Variants in MPHOSPH9 observed in about 807,000 individuals in gnomAD.
MPHOSPH9 encodes the protein M-phase phosphoprotein 9.
MPHOSPH9 carries 88 observed loss-of-function variants against 145.5 expected under a neutral mutation model. That is an observed-to-expected ratio of 0.60 (90% CI 0.51 to 0.72). The LOEUF (loss-of-function observed/expected upper bound fraction) is 0.72. MPHOSPH9 is among the 30% of genes least tolerant of loss of function. The pLI is 0.00. For synonymous variants in MPHOSPH9, 435 were observed against 486.2 expected (o/e 0.89, Z 1.39); for missense variants, 1,238 against 1,386.6 (o/e 0.89, Z 1.70).
chr12:123,226,813 T>C (rs2047455380), intron 3 of MPHOSPH9, among the ~76,000 whole-genome samples: 1 of 152,106 alleles, frequency 6.6e-6, no homozygotes. Flanking sequence ...TATGTATTTA[T>C]ATTTGTAGAG....
chr12:123,198,866 A>AAAAGACATG (rs1037207552), intron 11 of MPHOSPH9, among the ~76,000 whole-genome samples: 1 of 151,618 alleles, frequency 6.6e-6, no homozygotes, highest in African/African-American at 2.4e-5. Flanking sequence ...AGATATAAAA[A>AAAAGACATG]AAAGACATGC....
chr12:123,233,414 G>A (rs963888339), upstream of MPHOSPH9: 4 of 152,424 alleles, frequency 2.6e-5, no homozygotes, highest in Admixed American at 2.0e-4. Context: ...GTAGATAAGA[G>A]AAACCGCGAT....
chr12:123,198,396 T>TA, intron 11 of MPHOSPH9, 62 bp from the exon 12 acceptor site: 1 of 1,290,536 alleles, frequency 7.7e-7, no homozygotes, highest in African/African-American at 1.5e-5. Context: ...AAGTATTACA[T>TA]AAATCTAACC....
chr12:123,192,657 A>C (rs12825277), intron 13 of MPHOSPH9, among the ~76,000 whole-genome samples: 3 of 119,596 alleles, frequency 2.5e-5, no homozygotes, highest in East Asian at 5.5e-4. Flanking sequence ...AAAAAAAAAA[A>C]CAGAGAGAAA....
At chr12:123,193,263 A>G (rs4460848) in intron 13 of MPHOSPH9, among the ~76,000 whole-genome samples, 89,926 of 151,186 alleles carry the variant, frequency 0.59, 31,073 homozygotes, top group Non-Finnish European at 0.75. Flanking sequence ...AGATGGAAAA[A>G]AAAATGAGAG....
chr12:123,217,178 A>G (rs2047003713), intron 6 of MPHOSPH9, among the ~76,000 whole-genome samples: 1 of 152,024 alleles, frequency 6.6e-6, no homozygotes, highest in South Asian at 2.1e-4. Context: ...AATTTGGATT[A>G]TAATTCAGAA....
intron 16 of MPHOSPH9, 113 bp from the exon 17 acceptor site, chr12:123,166,902 T>A: frequency 9.4e-7 from 1 of 1,063,434 alleles, no homozygotes; most frequent in Non-Finnish European, 1.3e-6. Flanking sequence ...TACACTAATT[T>A]AAAAATCACA....
intron 20 of MPHOSPH9, 31 bp downstream of exon 20, chr12:123,162,983 A>T (rs769093607): frequency 1.3e-6 from 2 of 1,522,862 alleles, no homozygotes; most frequent in Admixed American, 5.0e-5. Flanking sequence ...CTAATATAGT[A>T]AACTTTATTC....
At chr12:123,197,962 T>C (rs900115806) in intron 12 of MPHOSPH9, among the ~76,000 whole-genome samples, 2 of 150,808 alleles carry the variant, frequency 1.3e-5, no homozygotes, top group African/African-American at 4.9e-5. Context: ...AGGGCGCCTG[T>C]AGTCCCAGCT....
intron 4 of MPHOSPH9, among the ~76,000 whole-genome samples, chr12:123,222,798 T>C (rs2047262840): frequency 1.3e-5 from 2 of 152,026 alleles, no homozygotes; most frequent in Non-Finnish European, 2.9e-5. Flanking sequence ...TAGCTGGGCG[T>C]GTTGGCAGGT....
chr12:123,177,443 G>A (rs1372334093), intron 15 of MPHOSPH9, among the ~76,000 whole-genome samples: 1 of 152,012 alleles, frequency 6.6e-6, no homozygotes, highest in African/African-American at 2.4e-5. Flanking sequence ...ACTGAGGCAG[G>A]AGAATCGGCT....
intron 12 of MPHOSPH9, 90 bp downstream of exon 12, chr12:123,198,157 C>A (rs1372228531): frequency 2.1e-6 from 2 of 975,194 alleles, no homozygotes; most frequent in Admixed American, 4.7e-5. Flanking sequence ...CTTCATAAGC[C>A]TTCCTTAAAA....
At chr12:123,167,425 A>G (rs1270456472) in intron 16 of MPHOSPH9, among the ~76,000 whole-genome samples, 1 of 152,212 alleles carries the variant, frequency 6.6e-6, no homozygotes, top group Non-Finnish European at 1.5e-5. Context: ...GAACGACAGT[A>G]TTCCAGATAA....
At chr12:123,160,060 G>A (rs904200747) in intron 23 of MPHOSPH9, 3 of 151,960 alleles carry the variant, frequency 2.0e-5, no homozygotes, top group South Asian at 4.2e-4. Flanking sequence ...TAGTAGAGAC[G>A]GGGTTTCACC....
intron 14 of MPHOSPH9, 58 bp downstream of exon 14, chr12:123,181,105 C>T: frequency 1.3e-6 from 2 of 1,486,240 alleles, no homozygotes; most frequent in Non-Finnish European, 1.9e-6. Flanking sequence ...TCCCTTGATT[C>T]CCAATCCAAT....
intron 13 of MPHOSPH9, among the ~76,000 whole-genome samples, chr12:123,187,181 A>G (rs2045480854): frequency 6.6e-6 from 1 of 152,110 alleles, no homozygotes; most frequent in South Asian, 2.1e-4. Flanking sequence ...GAATCACTTG[A>G]ACCCAGGAGG....
intron 3 of MPHOSPH9, among the ~76,000 whole-genome samples, chr12:123,227,127 G>T (rs1188831924): frequency 6.6e-6 from 1 of 152,140 alleles, no homozygotes; most frequent in Non-Finnish European, 1.5e-5. Context: ...TTTTCAAAAT[G>T]ATGACAATTC....
chr12:123,206,079 A>G (rs768976160), intron 8 of MPHOSPH9, among the ~76,000 whole-genome samples: 6 of 152,160 alleles, frequency 3.9e-5, no homozygotes, highest in Non-Finnish European at 8.8e-5. Context: ...TTTTTAAAGA[A>G]ATGCAGAATC....
At chr12:123,182,454 C>T (rs556555032) in intron 13 of MPHOSPH9, among the ~76,000 whole-genome samples, 78 of 150,718 alleles carry the variant, frequency 5.2e-4, no homozygotes, top group Non-Finnish European at 9.0e-4. Flanking sequence ...TCATGTTGGC[C>T]AGGCTTGTCT....
Sources: gnomAD v4.1 joint callset for allele counts (sites outside exome capture counted in the v4.1 genomes callset) on GRCh38, gnomAD v4.1.1 for gene constraint, MANE v1.5 for transcripts, NCBI Gene and HGNC (gene_info 2026-07-23, HGNC 2026-07-21) for gene names.